ATP10B: variants seen among roughly 807,000 people sequenced by gnomAD.
ATP10B encodes ATPase phospholipid transporting 10B (putative).
In ATP10B, 122 loss-of-function variants were observed where a neutral mutation model predicts 141.2. The ratio of observed to expected loss-of-function variants is 0.86; its 90% CI spans 0.75 to 1.00. The LOEUF (loss-of-function observed/expected upper bound fraction) is 1.00, where lower values mean the gene tolerates loss of function less well. ATP10B is among the 50% of genes least tolerant of loss of function. The pLI is 0.00. For synonymous variants in ATP10B, 685 were observed against 692.0 expected (o/e 0.99, Z 0.16); for missense variants, 1,876 against 1,825.3 (o/e 1.03, Z -0.51).
At chr5:160,902,537 AAC>A in the ATP10B span, among the ~76,000 whole-genome samples, 1 of 152,198 alleles carries the variant, frequency 6.6e-6, no homozygotes, top group East Asian at 1.9e-4. Context: ...CATTTGATGA[AAC>A]AAAGAATGGC....
intron 2 of ATP10B, among the ~76,000 whole-genome samples, chr5:160,718,305 G>C (rs562118061): frequency 6.6e-6 from 1 of 152,202 alleles, no homozygotes; most frequent in South Asian, 2.1e-4. Flanking sequence ...TGTGTGACTG[G>C]ATTTTAATAA....
At chr5:160,607,144 A>T in intron 18 of ATP10B, 58 bp from the exon 19 acceptor site, 1 of 1,432,398 alleles carries the variant, frequency 7.0e-7, no homozygotes, top group Non-Finnish European at 9.6e-7. Context: ...GCATGTTAAC[A>T]ATTTCAGTTT....
At chr5:160,822,306 C>T (rs189292904) in intron 1 of ATP10B, among the ~76,000 whole-genome samples, 53 of 152,154 alleles carry the variant, frequency 3.5e-4, no homozygotes, top group Middle Eastern at 3.4e-3. Context: ...CTAAAAAATA[C>T]AGTGAGATAT....
Position 160,589,692 on chromosome 5 carries a change from T to C in ATP10B, c.3650A>G (p.Tyr1217Cys), listed in dbSNP as rs1756149641. Residue 1217 changes from tyrosine to cysteine, a missense_variant, in exon 24 of 26, where the codon TAT (tyrosine) becomes TGT (cysteine). Coordinates refer to ENST00000327245, the MANE Select transcript of ATP10B (RefSeq NM_025153.3). Reference sequence around the variant, plus strand: ...AAAGACATCTATATCAGAGCCCTTATAGGCCTGCAGAGGAGGAACAGACAG... The same window carrying C: ...AAAGACATCTATATCAGAGCCCTTACAGGCCTGCAGAGGAGGAACAGACAG... ...LICFFIPYLA[Y>C]KGSDIDVFTF... 6.2e-7 allele frequency: 1 copy of C among 1,612,468 alleles called. No homozygotes were observed. Among genetic ancestry groups the C allele is most frequent in the Non-Finnish European group, 8.5e-7 (1 of 1,178,512 alleles).
chr5:160,906,114 T>C, the ATP10B span, among the ~76,000 whole-genome samples: 1 of 152,186 alleles, frequency 6.6e-6, no homozygotes, highest in African/African-American at 2.4e-5. Flanking sequence ...CTGGGAAAGA[T>C]AGGTCCTGAG....
At chr5:160,615,399 G>A (rs1757941985) in intron 17 of ATP10B, among the ~76,000 whole-genome samples, 1 of 150,822 alleles carries the variant, frequency 6.6e-6, no homozygotes, top group Non-Finnish European at 1.5e-5. Context: ...AGGCCCATCT[G>A]CTAGCCCAGC....
At chr5:160,701,474 C>T (rs1342144965) in intron 3 of ATP10B, among the ~76,000 whole-genome samples, 2 of 152,194 alleles carry the variant, frequency 1.3e-5, no homozygotes, top group South Asian at 2.1e-4. Flanking sequence ...GTGTGCTCCA[C>T]AGTACTCTTC....
chr5:160,885,662 C>G, the ATP10B span, among the ~76,000 whole-genome samples: 3 of 152,150 alleles, frequency 2.0e-5, no homozygotes, highest in Non-Finnish European at 2.9e-5. Flanking sequence ...GCTCTCTGCT[C>G]AAGACGGGCA....
chr5:160,814,364 C>A (rs1773428053), intron 1 of ATP10B, among the ~76,000 whole-genome samples: 1 of 152,072 alleles, frequency 6.6e-6, no homozygotes, highest in Non-Finnish European at 1.5e-5. Context: ...CCGATTCGAT[C>A]AACTGGAAGA....
At chr5:160,854,542 T>A (rs1033080366), upstream of ATP10B, among the ~76,000 whole-genome samples, 1 of 152,210 alleles carries the variant, frequency 6.6e-6, no homozygotes, top group Admixed American at 6.5e-5. Context: ...ATGGTGTGTA[T>A]GTGCTACATT....
chr5:160,628,440 T>C (rs1758724950), intron 13 of ATP10B, among the ~76,000 whole-genome samples: 1 of 152,218 alleles, frequency 6.6e-6, no homozygotes, highest in Non-Finnish European at 1.5e-5. Context: ...AGTGGGAGTG[T>C]GTGTATGTGG....
At chr5:160,663,115 C>A (rs1190973280) in intron 7 of ATP10B, among the ~76,000 whole-genome samples, 5 of 152,078 alleles carry the variant, frequency 3.3e-5, no homozygotes, top group Non-Finnish European at 7.4e-5. Context: ...GTTAGAATGG[C>A]AATCATTAAA....
At chr5:160,804,874 A>G (rs1772665990) in intron 1 of ATP10B, among the ~76,000 whole-genome samples, 1 of 152,200 alleles carries the variant, frequency 6.6e-6, no homozygotes, top group Non-Finnish European at 1.5e-5. Context: ...TATATGCAAG[A>G]GATTGGTTTC....
At chr5:160,870,419 A>AC in the ATP10B span, among the ~76,000 whole-genome samples, 1 of 150,982 alleles carries the variant, frequency 6.6e-6, no homozygotes, top group Non-Finnish European at 1.5e-5. Context: ...TAAAAAAAAA[A>AC]CCCCACAATT....
chr5:160,652,954 TATATATACATGTATATATA>T, intron 7 of ATP10B, among the ~76,000 whole-genome samples: 1 of 83,018 alleles, frequency 1.2e-5, no homozygotes, highest in Non-Finnish European at 2.0e-5. Context: ...TATAATATAT[TATATATACATGTATATATA>T]ATATATACAT....
intron 1 of ATP10B, among the ~76,000 whole-genome samples, chr5:160,809,179 T>G (rs1772977515): frequency 6.6e-6 from 1 of 152,220 alleles, no homozygotes; most frequent in Non-Finnish European, 1.5e-5. Context: ...AGGCACTAGT[T>G]GTTCTCTGTA....
intron 1 of ATP10B, among the ~76,000 whole-genome samples, chr5:160,794,892 TG>T (rs1771831751): frequency 6.6e-6 from 1 of 152,190 alleles, no homozygotes. Flanking sequence ...CACTCTTTAT[TG>T]TTATTGTTGT....
chr5:160,788,213 T>C (rs1453784206), intron 1 of ATP10B, among the ~76,000 whole-genome samples: 1 of 152,026 alleles, frequency 6.6e-6, no homozygotes, highest in Non-Finnish European at 1.5e-5. Flanking sequence ...AAGAGGAAAA[T>C]GTTCTGAGCA....
intron 3 of ATP10B, among the ~76,000 whole-genome samples, chr5:160,706,199 T>C (rs777445683): frequency 1.3e-5 from 2 of 152,176 alleles, no homozygotes; most frequent in Non-Finnish European, 2.9e-5. Flanking sequence ...GTTTAAAATA[T>C]TGTGAGAATA....
Sources: gnomAD v4.1 joint callset for allele counts (sites outside exome capture counted in the v4.1 genomes callset) on GRCh38, gnomAD v4.1.1 for gene constraint, MANE v1.5 for transcripts, NCBI Gene and HGNC (gene_info 2026-07-23, HGNC 2026-07-21) for gene names.